The following RPTOR variants were observed in gnomAD, a reference collection of about 807,000 sequenced individuals.
RPTOR encodes regulatory-associated protein of mTOR.
In RPTOR, 21 loss-of-function variants were observed where a neutral mutation model predicts 169.9. The observed-to-expected ratio is 0.12, with a 90% CI of 0.09 to 0.18. The LOEUF is 0.18. Ranked by LOEUF, RPTOR falls within the 10% of genes least tolerant of loss-of-function variation. The pLI is 1.00. For synonymous variants in RPTOR, 732 were observed against 753.2 expected (o/e 0.97, Z 0.46); for missense variants, 1,133 against 1,855.9 (o/e 0.61, Z 7.16).
At chr17:80,926,898 A>C (rs1393531350) in intron 24 of RPTOR, among the ~76,000 whole-genome samples, 2 of 152,212 alleles carry the variant, frequency 1.3e-5, no homozygotes, top group Non-Finnish European at 2.9e-5. Flanking sequence ...TCGGGGGAAA[A>C]GAATCAAAGA....
At chr17:80,849,862 G>A (rs2067774341) in intron 11 of RPTOR, among the ~76,000 whole-genome samples, 1 of 152,256 alleles carries the variant, frequency 6.6e-6, no homozygotes, top group South Asian at 2.1e-4. Context: ...CTCGTGGCCT[G>A]TGGGGTGCGT....
intron 6 of RPTOR, among the ~76,000 whole-genome samples, chr17:80,775,419 T>G (rs979390951): frequency 1.3e-5 from 2 of 152,206 alleles, no homozygotes; most frequent in Non-Finnish European, 2.9e-5. Flanking sequence ...CAGTCTTCTC[T>G]TTTCTTTACT....
At chr17:80,886,810 C>T (rs1031820928) in intron 17 of RPTOR, among the ~76,000 whole-genome samples, 24 of 152,150 alleles carry the variant, frequency 1.6e-4, no homozygotes, top group African/African-American at 5.3e-4. Context: ...CCAACCGGGA[C>T]GCAGCTGTCT....
Position 80,782,491 on chromosome 17 carries a change from C to T in RPTOR, c.831-8959C>T, listed in dbSNP as rs546146806. Among the ~76,000 whole-genome samples the T allele has an allele frequency of 3.9e-5, 6 of 152,170 alleles. No individual in the cohort carries two copies. In the South Asian group the frequency reaches 1.0e-3, roughly 26 times the overall value. On this transcript the variant is annotated intron_variant, in intron 6 of 33. Coordinates refer to ENST00000306801, the MANE Select transcript of RPTOR (RefSeq NM_020761.3). ...TAAGAATAGGTGAGGACCCAGCAGT[C>T]GCATGTGAAAATAAACGGTGTATTT...
At chr17:80,666,899 G>A (rs1240387181) in intron 3 of RPTOR, among the ~76,000 whole-genome samples, 1 of 152,158 alleles carries the variant, frequency 6.6e-6, no homozygotes, top group Non-Finnish European at 1.5e-5. Context: ...CGTGTCCTCT[G>A]ATCGAGCCTT....
chr17:80,859,525 G>A (rs141830811), intron 13 of RPTOR, among the ~76,000 whole-genome samples: 2,125 of 152,320 alleles, frequency 0.014, 59 homozygotes, highest in African/African-American at 0.048. Flanking sequence ...AGGGAGCCCC[G>A]GGAAGAAGCC....
chr17:80,819,456 C>T (rs961126009), intron 7 of RPTOR, among the ~76,000 whole-genome samples: 1 of 152,216 alleles, frequency 6.6e-6, no homozygotes, highest in Non-Finnish European at 1.5e-5. Flanking sequence ...GCTGCTGCGT[C>T]GTGGTTGTTG....
chr17:80,945,380 C>T (rs1249010546), intron 25 of RPTOR, among the ~76,000 whole-genome samples: 1 of 152,116 alleles, frequency 6.6e-6, no homozygotes, highest in East Asian at 1.9e-4. Flanking sequence ...ATCACAAGGT[C>T]AGGAGATCAA....
At chr17:80,785,437 C>T (rs571803158) in intron 6 of RPTOR, among the ~76,000 whole-genome samples, 140 of 152,238 alleles carry the variant, frequency 9.2e-4, no homozygotes, top group African/African-American at 3.0e-3. Flanking sequence ...AAAAGGTTGG[C>T]AGTTTTAAAA....
rs553890253 is a variant in RPTOR, at chr17:80,835,556, C to A, written c.1137-2366C>A. ...CGACGAAGGTTGAGTGTCCCTAATT[C>A]AAAAATCCAAAATGTTCCAAAATCC... On this transcript the variant is annotated intron_variant, in intron 9 of 33. Transcript: ENST00000306801. Among the ~76,000 whole-genome samples the A allele has an allele frequency of 1.1e-3, 174 of 152,286 alleles. 1 individual carries two copies. Among genetic ancestry groups the A allele is most frequent in the African/African-American group, 4.2e-3 (173 of 41,548 alleles).
intron 1 of RPTOR, among the ~76,000 whole-genome samples, chr17:80,610,621 G>C (rs1358127709): frequency 6.6e-6 from 1 of 152,134 alleles, no homozygotes; most frequent in Non-Finnish European, 1.5e-5. Context: ...CTCACTGAGT[G>C]GGAGTGAATG....
intron 4 of RPTOR, among the ~76,000 whole-genome samples, chr17:80,725,768 A>G (rs2066327242): frequency 6.6e-6 from 1 of 152,244 alleles, no homozygotes; most frequent in South Asian, 2.1e-4. Context: ...ATTCGCTATC[A>G]AAGGTCATTT....
intron 20 of RPTOR, among the ~76,000 whole-genome samples, chr17:80,899,008 C>G (rs960400370): frequency 6.6e-6 from 1 of 152,052 alleles, no homozygotes; most frequent in Non-Finnish European, 1.5e-5. Context: ...TAGAACGAGT[C>G]CAGAGCTTGC....
intron 1 of RPTOR, chr17:80,602,733 T>A: frequency 1.3e-6 from 1 of 767,090 alleles, no homozygotes. Context: ...GAGCCTGGTG[T>A]CAATGCACAC....
chr17:80,732,617 C>T (rs1354335529), intron 5 of RPTOR, among the ~76,000 whole-genome samples: 1 of 152,192 alleles, frequency 6.6e-6, no homozygotes, highest in African/African-American at 2.4e-5. Flanking sequence ...CTTTAATTAG[C>T]TCTGATTTTT....
intron 6 of RPTOR, chr17:80,773,774 G>A (rs2143424990): frequency 1.0e-6 from 1 of 985,394 alleles, no homozygotes; most frequent in Non-Finnish European, 1.2e-6. Flanking sequence ...TGCTGGGGAC[G>A]TGTAGTCACT....
chr17:80,757,582 A>T lies in RPTOR; in HGVS notation c.830+3397A>T, dbSNP rs191906207. On this transcript the variant is annotated intron_variant, in intron 6 of 33. Coordinates refer to ENST00000306801, the MANE Select transcript of RPTOR (RefSeq NM_020761.3). ...ACAGACTGGGTAATTTAAAATGACA[A>T]TTTTTTGTATTCTGTAAATTGATAT... is the stretch of plus-strand genomic sequence containing the variant. 2.4e-3 allele frequency among the ~76,000 whole-genome samples: 358 copies of T among 152,168 alleles called. 1 individual carries two copies. The highest frequency in any genetic ancestry group is 8.3e-3 in the African/African-American group (346 of 41,518).
At chr17:80,864,131 C>T (rs1469137477) in intron 13 of RPTOR, among the ~76,000 whole-genome samples, 4 of 152,284 alleles carry the variant, frequency 2.6e-5, no homozygotes, top group Admixed American at 2.0e-4. Flanking sequence ...ATTATAAACC[C>T]ACAGATCCAC....
At chr17:80,799,985 T>G (rs2067140348) in intron 7 of RPTOR, among the ~76,000 whole-genome samples, 1 of 152,204 alleles carries the variant, frequency 6.6e-6, no homozygotes, top group Admixed American at 6.5e-5. Flanking sequence ...CAGCTGGCCC[T>G]TGGTGTGCCA....
Sources: gnomAD v4.1 joint callset for allele counts (sites outside exome capture counted in the v4.1 genomes callset) on GRCh38, gnomAD v4.1.1 for gene constraint, MANE v1.5 for transcripts, NCBI Gene and HGNC (gene_info 2026-07-23, HGNC 2026-07-21) for gene names.